Variants in SLC1A7 observed in about 807,000 individuals in gnomAD.
SLC1A7 encodes the protein solute carrier family 1 member 7, also known as excitatory amino acid transporter 5.
SLC1A7 carries 40 observed loss-of-function variants against 47.7 expected under a neutral mutation model. That is an observed-to-expected ratio of 0.84 (90% confidence interval 0.65 to 1.09). The LOEUF (loss-of-function observed/expected upper bound fraction) is 1.09. SLC1A7 is among the 50% of genes least tolerant of loss of function. SLC1A7 has a pLI of 0.00. For missense variants in SLC1A7, 746 were observed against 769.5 expected, an observed-to-expected ratio of 0.97 and a Z score of 0.36; for synonymous variants, 323 against 325.6, an observed-to-expected ratio of 0.99 and a Z score of 0.09.
At chr1:53,111,258 A>G (rs1644698291) in intron 3 of SLC1A7, among the ~76,000 whole-genome samples, 1 of 152,022 alleles carries the variant, frequency 6.6e-6, no homozygotes, top group South Asian at 2.1e-4. Context: ...CCCAGAGAGG[A>G]GGCAATGACA....
chr1:53,090,704 C>T lies in SLC1A7; in HGVS notation c.1134G>A (p.Met378Ile). 6.2e-7 allele frequency: 1 copy of T among 1,614,124 alleles called. No homozygotes were observed. Among genetic ancestry groups the T allele is most frequent in the Non-Finnish European group, 8.5e-7 (1 of 1,180,014 alleles). Residue 378 changes from methionine to isoleucine, a missense_variant, in exon 8 of 11, where the codon ATG becomes ATA. Met to Ile is a conservative substitution (Grantham distance 10). Coordinates refer to ENST00000371494, the MANE Select transcript of SLC1A7 (RefSeq NM_006671.6). ...FVLPVGATIN[M>I]DGTALYEAVA... is the part of the protein sequence containing the mutation. ...CAGCCTCGTAGAGCGCAGTGCCGTCCATGTTGATGGTGGCACCCACGGGCA... is the reference window on the plus strand; with the variant it reads ...CAGCCTCGTAGAGCGCAGTGCCGTCTATGTTGATGGTGGCACCCACGGGCA...
At chr1:53,095,072 C>T (rs1397374703) in intron 5 of SLC1A7, among the ~76,000 whole-genome samples, 1 of 152,166 alleles carries the variant, frequency 6.6e-6, no homozygotes, top group Non-Finnish European at 1.5e-5. Context: ...CAGGCACACA[C>T]AGAAGCAGGT....
rs531390455 is a variant in SLC1A7 at position 53,103,510 on chromosome 1, G to A, written c.533C>T (p.Pro178Leu). The A allele has an allele frequency of 2.5e-6, 4 of 1,612,740 alleles. No homozygotes were observed. Among genetic ancestry groups the A allele is most frequent in the Admixed American group, 3.3e-5 (2 of 59,900 alleles). ...KSPKVAPEEA[P>L]PRRILIYGVQ... The stretch of plus-strand genomic sequence containing the variant: ...CCCGTAGATGAGGATCCGCCGAGGA[G>A]GGGCCTCCTCTGGTGCCACCTTGGG... Residue 178 changes from proline to leucine, a missense_variant, in exon 5 of 11, where the codon CCT (proline) becomes CTT (leucine). Transcript: ENST00000371494.
In SLC1A7 at chr1:53,087,892, G is replaced by C; in HGVS notation, c.*117C>G. 2 of 516,672 alleles carry C rather than the reference G, an allele frequency of 3.9e-6. No homozygotes were observed. The highest frequency in any genetic ancestry group is 6.6e-6 in the Non-Finnish European group (2 of 301,734). The allele number at this position is 516,672 out of a possible 1,614,324, so 32.0% of individuals were successfully genotyped here. On this transcript the variant is annotated 3_prime_UTR_variant, in exon 11 of 11. Transcript: ENST00000371494. ...GCGGGGTTAATTCCAGCCTCTCAAG[G>C]GTGAGAAGAATGTGTGATCCTGGCC... is the stretch of plus-strand genomic sequence containing the variant.
chr1:53,131,105 C>T (rs966152164), intron 2 of SLC1A7, among the ~76,000 whole-genome samples: 24 of 152,234 alleles, frequency 1.6e-4, no homozygotes, highest in African/African-American at 4.1e-4. Flanking sequence ...TGTATGAACA[C>T]GTCCTGGCTT....
chr1:53,108,779 C>T, intron 3 of SLC1A7: 1 of 641,442 alleles, frequency 1.6e-6, no homozygotes, highest in Non-Finnish European at 2.8e-6. Flanking sequence ...CCTCCCACTT[C>T]TGGACTGTTC....
intron 1 of SLC1A7, among the ~76,000 whole-genome samples, chr1:53,136,663 TATA>T (rs1488269995): frequency 8.7e-5 from 4 of 46,142 alleles, no homozygotes; most frequent in Admixed American, 5.0e-4. Flanking sequence ...TATATATATA[TATA>T]TTTTTTTTTT....
At position 53,134,353 on chromosome 1, in the gene SLC1A7, G is replaced by C; in HGVS notation, c.212C>G (p.Ser71Cys). The change falls in exon 2 of 11, where the codon TCC becomes TGC. Residue 71 changes from serine to cysteine, a missense_variant. Coordinates refer to ENST00000371494, the MANE Select transcript of SLC1A7 (RefSeq NM_006671.6). ...CTGGTCAAACCCCCGCTCTCACCTGGAGACCACCAGTGGCAGGATCATCAT... is the reference window on the plus strand; with the variant it reads ...CTGGTCAAACCCCCGCTCTCACCTGCAGACCACCAGTGGCAGGATCATCAT... ...LKMMILPLVV[S>C]SLMSGLASLD... is the part of the protein sequence containing the mutation. 1.2e-6 allele frequency: 2 copies of C among 1,612,396 alleles called. No individual in the cohort carries two copies. Among genetic ancestry groups the C allele is most frequent in the Non-Finnish European group, 1.7e-6 (2 of 1,179,058 alleles).
intron 1 of SLC1A7, among the ~76,000 whole-genome samples, chr1:53,140,720 T>C (rs4926959): frequency 0.62 from 93,961 of 151,908 alleles, 29,391 homozygotes; most frequent in Middle Eastern, 0.81. Context: ...TTCCTCATAA[T>C]AATTCTAGTA....
At chr1:53,100,265 C>T (rs548291850) in intron 5 of SLC1A7, among the ~76,000 whole-genome samples, 473 of 150,910 alleles carry the variant, frequency 3.1e-3, no homozygotes, top group African/African-American at 0.011. Context: ...CGCACCGCCT[C>T]GGTACACTTG....
chr1:53,129,340 C>T (rs1644915226), intron 2 of SLC1A7, among the ~76,000 whole-genome samples: 1 of 152,158 alleles, frequency 6.6e-6, no homozygotes, highest in Non-Finnish European at 1.5e-5. Flanking sequence ...GGCTCAGATG[C>T]TAAAAGGCTT....
intron 1 of SLC1A7, among the ~76,000 whole-genome samples, chr1:53,136,343 G>A (rs1390661318): frequency 1.4e-5 from 2 of 147,696 alleles, no homozygotes; most frequent in African/African-American, 2.5e-5. Flanking sequence ...ACAGGTGCGC[G>A]CCACTATGCC....
chr1:53,123,320 GC>G (rs1644844825), intron 2 of SLC1A7, among the ~76,000 whole-genome samples: 1 of 152,204 alleles, frequency 6.6e-6, no homozygotes, highest in African/African-American at 2.4e-5. Context: ...CCTGGAGTCT[GC>G]CCCGCACAGG....
chr1:53,088,349 C>A (rs1429939510), intron 10 of SLC1A7, 122 bp from the exon 11 acceptor site: 12 of 812,136 alleles, frequency 1.5e-5, no homozygotes, highest in African/African-American at 1.0e-4. Context: ...GATTTTCCTG[C>A]AGACACGCTG....
chr1:53,133,965 G>A (rs1644965933), intron 2 of SLC1A7, among the ~76,000 whole-genome samples: 1 of 152,144 alleles, frequency 6.6e-6, no homozygotes, highest in Non-Finnish European at 1.5e-5. Context: ...AGGTTACACA[G>A]CCAAGCCAGG....
intron 2 of SLC1A7, among the ~76,000 whole-genome samples, chr1:53,132,669 G>A (rs1304215874): frequency 6.6e-6 from 1 of 151,990 alleles, no homozygotes; most frequent in African/African-American, 2.4e-5. Context: ...AACATGGTGA[G>A]ACCCCGCCTC....
chr1:53,110,842 C>T (rs775471409), intron 3 of SLC1A7, among the ~76,000 whole-genome samples: 13 of 152,080 alleles, frequency 8.5e-5, no homozygotes, highest in Non-Finnish European at 1.6e-4. Flanking sequence ...AGCCAAGGCC[C>T]GTCCTAGGCC....
Position 53,142,217 on chromosome 1 carries a change from T to C in SLC1A7, c.135+98A>G, listed in dbSNP as rs945968159. Reference sequence around the variant, plus strand: ...AGGCAGAGGGATTCACACACTGTCATGGCACCAGGGAGCTGTGATGCTAGA... The same window carrying C: ...AGGCAGAGGGATTCACACACTGTCACGGCACCAGGGAGCTGTGATGCTAGA... On this transcript the variant is annotated intron_variant, in intron 1 of 10. Coordinates refer to ENST00000371494, the MANE Select transcript of SLC1A7 (RefSeq NM_006671.6). The C allele has an allele frequency of 6.1e-5, 83 of 1,354,862 alleles. 1 individual carries two copies. The African/African-American group carries it at 1.2e-3, about 19-fold the overall frequency. The allele number at this position is 1,354,862 out of a possible 1,614,324, so 83.9% of individuals were successfully genotyped here.
chr1:53,138,451 A>G (rs1224549418), intron 1 of SLC1A7, among the ~76,000 whole-genome samples: 1 of 150,870 alleles, frequency 6.6e-6, no homozygotes, highest in Non-Finnish European at 1.5e-5. Context: ...TAATTTTCTT[A>G]TATTTTCTTT....
Sources: gnomAD v4.1 joint callset for allele counts (sites outside exome capture counted in the v4.1 genomes callset) on GRCh38, gnomAD v4.1.1 for gene constraint, MANE v1.5 for transcripts, NCBI Gene and HGNC (gene_info 2026-07-23, HGNC 2026-07-21) for gene names.